Variants in HS2ST1 observed in about 807,000 individuals in gnomAD.
HS2ST1 encodes heparan sulfate 2-O-sulfotransferase 1, also known as 2-O-sulfotransferase.
In HS2ST1, 18 loss-of-function variants were observed where a neutral mutation model predicts 42.9. The ratio of observed to expected loss-of-function variants is 0.42; its 90% CI spans 0.29 to 0.62. The LOEUF (loss-of-function observed/expected upper bound fraction) is 0.62, where lower values mean the gene tolerates loss of function less well. Ranked by LOEUF, HS2ST1 falls within the 20% of genes least tolerant of loss-of-function variation. The pLI is 0.21. For synonymous variants in HS2ST1, 146 were observed against 152.9 expected, an observed-to-expected ratio of 0.95 and a Z score of 0.33; for missense variants, 334 against 433.8, an observed-to-expected ratio of 0.77 and a Z score of 2.04.
At chr1:86,969,437 C>T (rs983726307) in intron 1 of HS2ST1, among the ~76,000 whole-genome samples, 6 of 152,116 alleles carry the variant, frequency 3.9e-5, no homozygotes, top group Non-Finnish European at 7.4e-5. Context: ...CAGCAGAAGT[C>T]ATTCCTTCTC....
intron 1 of HS2ST1, among the ~76,000 whole-genome samples, chr1:86,937,721 C>G (rs149977885): frequency 6.6e-6 from 1 of 151,772 alleles, no homozygotes; most frequent in African/African-American, 2.4e-5. Flanking sequence ...TTCCTTCTAC[C>G]TTATATATAT....
intron 2 of HS2ST1, 76 bp from the exon 3 acceptor site, chr1:87,084,118 A>T (rs763008691): frequency 1.4e-5 from 13 of 933,322 alleles, no homozygotes; most frequent in Non-Finnish European, 1.9e-5. Context: ...TTAAATTCCT[A>T]TCTTGGAAAT....
At chr1:86,972,132 T>A (rs564862534) in intron 1 of HS2ST1, among the ~76,000 whole-genome samples, 141 of 152,340 alleles carry the variant, frequency 9.3e-4, no homozygotes, top group Non-Finnish European at 1.8e-3. Context: ...TTATGAGTTG[T>A]TAATGTTTCA....
In HS2ST1 at chr1:86,948,319, T is replaced by C. The variant is rs1406394258; in HGVS notation, c.124+33159T>C. Among the ~76,000 whole-genome samples the C allele has an allele frequency of 2.0e-5, 3 of 152,176 alleles. No homozygotes were observed. The East Asian group carries it at 5.8e-4, about 29-fold the overall frequency. On this transcript the variant is annotated intron_variant, in intron 1 of 6. Transcript: ENST00000370550. Reference sequence around the variant, plus strand: ...TAGAGACTAGGTCTTGCTATGTTGCTGAAGCAGGACTGCAGTGGCTGTTCA... The same window carrying C: ...TAGAGACTAGGTCTTGCTATGTTGCCGAAGCAGGACTGCAGTGGCTGTTCA...
At chr1:87,030,287 C>T (rs1650195872) in intron 1 of HS2ST1, among the ~76,000 whole-genome samples, 1 of 152,084 alleles carries the variant, frequency 6.6e-6, no homozygotes, top group Non-Finnish European at 1.5e-5. Context: ...ATATCTTGGG[C>T]CAGGAGTTCA....
At chr1:87,046,737 G>C (rs1436199366) in intron 1 of HS2ST1, 1 of 707,202 alleles carries the variant, frequency 1.4e-6, no homozygotes, top group African/African-American at 6.1e-5. Context: ...TTGAGATGGA[G>C]TGTAGCTCTG....
intron 1 of HS2ST1, among the ~76,000 whole-genome samples, chr1:86,969,807 G>A (rs2102207912): frequency 6.6e-6 from 1 of 152,154 alleles, no homozygotes; most frequent in South Asian, 2.1e-4. Flanking sequence ...ATAAGACTGA[G>A]TTATATAAAA....
At chr1:86,957,450 A>G (rs1647706470) in intron 1 of HS2ST1, among the ~76,000 whole-genome samples, 2 of 152,230 alleles carry the variant, frequency 1.3e-5, no homozygotes, top group South Asian at 4.1e-4. Flanking sequence ...ACACAATTGC[A>G]ACATGTGATG....
At chr1:86,962,704 C>T (rs147952601) in intron 1 of HS2ST1, among the ~76,000 whole-genome samples, 4 of 152,296 alleles carry the variant, frequency 2.6e-5, no homozygotes, top group African/African-American at 9.6e-5. Context: ...AACAAAACTA[C>T]AGCTCTGAGA....
chr1:86,972,194 C>T (rs527293451), intron 1 of HS2ST1, among the ~76,000 whole-genome samples: 2 of 152,196 alleles, frequency 1.3e-5, no homozygotes, highest in Non-Finnish European at 2.9e-5. Context: ...TACATATATA[C>T]ATACCTCCTT....
At chr1:87,007,261 C>T (rs992373729) in intron 1 of HS2ST1, among the ~76,000 whole-genome samples, 8 of 152,082 alleles carry the variant, frequency 5.3e-5, no homozygotes, top group Admixed American at 3.3e-4. Context: ...TACTTTCACA[C>T]ACACATATTC....
rs184795464 is a variant in HS2ST1 at position 87,094,722 on chromosome 1, C to G, written c.588+2053C>G. 2.5e-3 allele frequency among the ~76,000 whole-genome samples: 379 copies of G among 152,238 alleles called. 2 individuals are homozygous for G. Among genetic ancestry groups the G allele is most frequent in the Admixed American group, 5.2e-3 (79 of 15,298 alleles). On this transcript the variant is annotated intron_variant, in intron 4 of 6. Transcript: ENST00000370550. The stretch of plus-strand genomic sequence containing the variant: ...CAGGCAGCATTTTAACATCATCTCC[C>G]TTTCATGTTTGAAAGTTTTAGGTAG...
intron 5 of HS2ST1, among the ~76,000 whole-genome samples, chr1:87,101,149 G>GTTGTT (rs1652190410): frequency 1.7e-5 from 1 of 59,540 alleles, no homozygotes; most frequent in Non-Finnish European, 3.0e-5. Context: ...GTGTGTGTGT[G>GTTGTT]TTTTTTGTTT....
chr1:86,926,596 G>A (rs1660427325), intron 1 of HS2ST1, among the ~76,000 whole-genome samples: 1 of 152,156 alleles, frequency 6.6e-6, no homozygotes, highest in African/African-American at 2.4e-5. Flanking sequence ...GTTGTTTCAG[G>A]TAAGAGGGTA....
At chr1:87,047,243 T>C (rs973471061) in intron 1 of HS2ST1, among the ~76,000 whole-genome samples, 4 of 152,190 alleles carry the variant, frequency 2.6e-5, no homozygotes, top group African/African-American at 9.7e-5. Context: ...ATATCTCTTT[T>C]TTGGGGAAGT....
At chr1:87,000,153 A>G (rs1313724117) in intron 1 of HS2ST1, among the ~76,000 whole-genome samples, 1 of 152,114 alleles carries the variant, frequency 6.6e-6, no homozygotes, top group Non-Finnish European at 1.5e-5. Flanking sequence ...TACAGTTCTT[A>G]TAAAGCAAAT....
chr1:87,080,760 C>T (rs575425158), intron 2 of HS2ST1, among the ~76,000 whole-genome samples: 1 of 152,130 alleles, frequency 6.6e-6, no homozygotes, highest in South Asian at 2.1e-4. Flanking sequence ...AATCTGCACC[C>T]TGGGTAGGGG....
chr1:87,002,038 G>A (rs555470247), intron 1 of HS2ST1, among the ~76,000 whole-genome samples: 3 of 151,916 alleles, frequency 2.0e-5, no homozygotes, highest in Admixed American at 1.3e-4. Flanking sequence ...TCAGCCACCC[G>A]AGTAGCTGGG....
chr1:86,952,408 TTA>T (rs1394448376), intron 1 of HS2ST1, among the ~76,000 whole-genome samples: 1 of 152,082 alleles, frequency 6.6e-6, no homozygotes, highest in African/African-American at 2.4e-5. Context: ...CGGCAAATTT[TTA>T]TGTTTTTAGT....
Sources: allele counts gnomAD v4.1 joint callset (sites outside exome capture counted in the v4.1 genomes callset), GRCh38; gene constraint gnomAD v4.1.1; transcripts MANE v1.5; gene names NCBI Gene and HGNC (gene_info 2026-07-23, HGNC 2026-07-21).